Variants in TMTC4 observed in about 807,000 individuals in gnomAD.
The protein encoded by TMTC4 is protein O-mannosyl-transferase TMTC4.
A neutral mutation model predicts 86.0 loss-of-function variants in TMTC4; 65 were observed. The ratio of observed to expected loss-of-function variants is 0.76; its 90% CI spans 0.62 to 0.93. The LOEUF (loss-of-function observed/expected upper bound fraction) is 0.93. TMTC4 is among the 40% of genes least tolerant of loss of function. The probability of loss-of-function intolerance (pLI) is 0.00; values close to 1 mark genes in which losing one functional copy is unlikely to be tolerated. For missense variants in TMTC4, 866 were observed against 948.1 expected, an observed-to-expected ratio of 0.91 and a Z score of 1.14; for synonymous variants, 379 against 382.5, an observed-to-expected ratio of 0.99 and a Z score of 0.11.
rs1425845849 is a variant in TMTC4 at position 100,625,595 on chromosome 13, G to T, written c.1776C>A (p.Tyr592Ter). 6.2e-7 allele frequency: 1 copy of T among 1,614,058 alleles called. No individual in the cohort carries two copies. Residue 592 changes from tyrosine to a stop codon, truncating the protein, a stop_gained, in exon 15 of 19, where the codon TAC (tyrosine) becomes TAA (stop). Transcript: ENST00000342624. LOFTEE classifies it high-confidence loss of function. ...TCCTTCTGTGTTTAATTGCTGTCCG[G>T]TAACTTTGCTCTGCTGCTTCAAACC... The part of the protein sequence containing the change: ...LKRFEAAEQS[Y>*]RTAIKHRRKY...
At chr13:100,621,511 C>T (rs187356615) in intron 15 of TMTC4, among the ~76,000 whole-genome samples, 4 of 152,192 alleles carry the variant, frequency 2.6e-5, no homozygotes, top group South Asian at 2.1e-4. Flanking sequence ...CTGCAAGCTC[C>T]GCCTCCCGGG....
intron 13 of TMTC4, 84 bp downstream of exon 13, chr13:100,625,987 G>A (rs1880450790): frequency 1.9e-6 from 3 of 1,592,054 alleles, no homozygotes; most frequent in Non-Finnish European, 2.6e-6. Context: ...GTAAAGTTGG[G>A]GTCTTTAAAG....
At chr13:100,606,569 C>A in intron 17 of TMTC4, 142 bp from the exon 18 acceptor site, 1 of 672,914 alleles carries the variant, frequency 1.5e-6, no homozygotes, top group Non-Finnish European at 2.5e-6. Flanking sequence ...TCGGAAGGCC[C>A]AGCGGGGCCA....
chr13:100,619,156 GC>G (rs981754535), intron 15 of TMTC4, among the ~76,000 whole-genome samples: 2 of 149,854 alleles, frequency 1.3e-5, no homozygotes, highest in Admixed American at 6.6e-5. Context: ...GGGGCGACTG[GC>G]CGGGCGGGGG....
At chr13:100,619,093 G>T (rs1879040528) in intron 15 of TMTC4, among the ~76,000 whole-genome samples, 1 of 144,160 alleles carries the variant, frequency 6.9e-6, no homozygotes, top group African/African-American at 2.6e-5. Flanking sequence ...CTCACCTCCC[G>T]GACGGGGCGG....
At chr13:100,673,318 T>C in intron 1 of TMTC4, 2 of 985,380 alleles carry the variant, frequency 2.0e-6, no homozygotes, top group Non-Finnish European at 2.4e-6. Context: ...CAAACCTAAA[T>C]GTTTCCCCTT....
intron 1 of TMTC4, chr13:100,674,361 G>T: frequency 1.0e-6 from 1 of 975,208 alleles, no homozygotes; most frequent in Non-Finnish European, 1.2e-6. Context: ...GCGGCCAGAT[G>T]GCCGCTCCGG....
chr13:100,644,989 A>T (rs1159503539), intron 6 of TMTC4, among the ~76,000 whole-genome samples: 1 of 151,924 alleles, frequency 6.6e-6, no homozygotes, highest in Non-Finnish European at 1.5e-5. Context: ...TAATTTTTGT[A>T]TTTTTAGTAG....
intron 5 of TMTC4, among the ~76,000 whole-genome samples, chr13:100,659,180 AG>A (rs1326361606): frequency 6.6e-6 from 1 of 152,206 alleles, no homozygotes; most frequent in Non-Finnish European, 1.5e-5. Flanking sequence ...AAAAGGAATT[AG>A]GGGGATGGGG....
intron 8 of TMTC4, 51 bp from the exon 9 acceptor site, chr13:100,637,753 G>A (rs755496329): frequency 1.8e-5 from 29 of 1,596,124 alleles, no homozygotes; most frequent in Non-Finnish European, 2.3e-5. Context: ...ACATAAAAGT[G>A]TGGCTGAGCC....
At chr13:100,656,549 T>TTTTTTTTTTTTTTTTA in intron 5 of TMTC4, 81 bp from the exon 6 acceptor site, 1 of 810,430 alleles carries the variant, frequency 1.2e-6, no homozygotes, top group Non-Finnish European at 1.8e-6. Context: ...TAACTTTTTT[T>TTTTTTTTTTTTTTTTA]TTTTTTTTTT....
At chr13:100,620,038 C>T (rs534580515) in intron 15 of TMTC4, among the ~76,000 whole-genome samples, 4 of 152,298 alleles carry the variant, frequency 2.6e-5, no homozygotes, top group African/African-American at 9.6e-5. Flanking sequence ...TTCTACTCAT[C>T]TTACAGCATC....
intron 14 of TMTC4, 53 bp from the exon 15 acceptor site, chr13:100,625,729 C>G: frequency 1.2e-6 from 2 of 1,609,002 alleles, no homozygotes; most frequent in South Asian, 2.2e-5. Flanking sequence ...GCTTAGATGC[C>G]GGAATGCAGG....
intron 12 of TMTC4, among the ~76,000 whole-genome samples, chr13:100,632,053 ACTCTCTCT>A (rs67759381): frequency 2.3e-3 from 101 of 43,120 alleles, no homozygotes; most frequent in African/African-American, 5.6e-3. Context: ...ACACACACAC[ACTCTCTCT>A]CTCTCTCTCT....
At chr13:100,615,375 G>A (rs908619261) in intron 15 of TMTC4, among the ~76,000 whole-genome samples, 9 of 152,016 alleles carry the variant, frequency 5.9e-5, no homozygotes, top group Admixed American at 3.3e-4. Flanking sequence ...CTGACCTTGT[G>A]ATCGATCTGC....
chr13:100,664,108 T>G, intron 4 of TMTC4, 113 bp downstream of exon 4: 1 of 878,380 alleles, frequency 1.1e-6, no homozygotes, highest in South Asian at 1.9e-5. Flanking sequence ...AGACCCCACC[T>G]GGAGCCACTG....
rs762534663 is a variant in TMTC4, at chr13:100,663,081, G to T, written c.435C>A (p.Phe145Leu). Residue 145 changes from phenylalanine to leucine, a missense_variant, in exon 5 of 19, where the codon TTC (phenylalanine) becomes TTA (leucine). Physicochemically the swap from Phe to Leu is conservative, Grantham distance 22. Coordinates refer to ENST00000342624, the MANE Select transcript of TMTC4 (RefSeq NM_032813.5). ...ACTGCAGGCCGCCAAACAGAACCGA[G>T]AAGACGTCCACCATGAGGACAGAGA... ...SGISVLMVDVFSVLFGGLQYT... is the reference protein window; with the variant it reads ...SGISVLMVDVLSVLFGGLQYT... 1 of 1,614,232 alleles carries T rather than the reference G, an allele frequency of 6.2e-7. No individual in the cohort carries two copies. Among genetic ancestry groups the T allele is most frequent in the South Asian group, 1.1e-5 (1 of 91,090 alleles).
intron 6 of TMTC4, among the ~76,000 whole-genome samples, chr13:100,645,533 GT>G: frequency 6.6e-6 from 1 of 151,080 alleles, no homozygotes; most frequent in African/African-American, 2.4e-5. Context: ...ACCTCTCCAT[GT>G]CCCTGACTGC....
chr13:100,639,277 T>C (rs953244963), intron 7 of TMTC4, among the ~76,000 whole-genome samples: 4 of 152,224 alleles, frequency 2.6e-5, no homozygotes, highest in Non-Finnish European at 4.4e-5. Flanking sequence ...CCACTAATTA[T>C]CTAATACATG....
Sources: allele counts gnomAD v4.1 joint callset (sites outside exome capture counted in the v4.1 genomes callset), GRCh38; gene constraint gnomAD v4.1.1; transcripts MANE v1.5; gene names NCBI Gene and HGNC (gene_info 2026-07-23, HGNC 2026-07-21).